The following EPHB2 variants were observed in gnomAD, a reference collection of about 807,000 sequenced individuals.
EPHB2 encodes the protein EPH receptor B2.
EPHB2 carries 18 observed loss-of-function variants against 96.4 expected under a neutral mutation model. The ratio of observed to expected loss-of-function variants is 0.19; its 90% confidence interval spans 0.13 to 0.28. EPHB2 has a LOEUF of 0.28. EPHB2 is among the 10% of genes least tolerant of loss of function. EPHB2 has a pLI of 1.00. For synonymous variants in EPHB2, 506 were observed against 534.1 expected, an observed-to-expected ratio of 0.95 and a Z score of 0.72; for missense variants, 989 against 1,355.4, an observed-to-expected ratio of 0.73 and a Z score of 4.25.
rs1396956058 is a variant in EPHB2 at position 22,711,380 on chromosome 1, C to T, written c.61+337C>T. On this transcript the variant is annotated intron_variant, in intron 1 of 15. Coordinates refer to ENST00000374630, the MANE Select transcript of EPHB2 (RefSeq NM_017449.5). ...GGCAGCCGCCTCGCGCCGGCCTGGTCTTGCTCCGCACAGGGTGGAGGGGCG... is the reference window on the plus strand; with the variant it reads ...GGCAGCCGCCTCGCGCCGGCCTGGTTTTGCTCCGCACAGGGTGGAGGGGCG... Among the ~76,000 whole-genome samples the T allele has an allele frequency of 2.7e-5, 4 of 148,930 alleles. No homozygotes were observed. The East Asian group carries it at 8.0e-4, about 30-fold the overall frequency.
chr1:22,756,603 G>A (rs995231391), intron 1 of EPHB2, among the ~76,000 whole-genome samples: 22 of 152,152 alleles, frequency 1.4e-4, no homozygotes, highest in Admixed American at 2.0e-4. Context: ...GCGGGCGTGT[G>A]AGGCAGCCCT....
chr1:22,737,657 A>T (rs1383166186), intron 1 of EPHB2, among the ~76,000 whole-genome samples: 2 of 152,112 alleles, frequency 1.3e-5, no homozygotes, highest in Non-Finnish European at 2.9e-5. Context: ...AGGTATGGCT[A>T]ATTTTGTCTA....
At chr1:22,859,908 C>A (rs1645766321) in intron 3 of EPHB2, among the ~76,000 whole-genome samples, 1 of 152,178 alleles carries the variant, frequency 6.6e-6, no homozygotes, top group South Asian at 2.1e-4. Context: ...AAGCCCTGTT[C>A]CCCATTAGCA....
Position 22,912,386 on chromosome 1 carries a change from T to C in EPHB2, c.2697-58T>C, listed in dbSNP as rs201272454. On this transcript the variant is annotated intron_variant, in intron 14 of 15. Transcript: ENST00000374630. ...CATACGCAGCCTACAGGCATGTCCC[T>C]GCACGCTCCCTGCAAACAGGTGCCC... 3.7e-4 allele frequency: 597 copies of C among 1,610,786 alleles called. 1 individual carries two copies. Among genetic ancestry groups the C allele is most frequent in the Non-Finnish European group, 4.5e-4 (534 of 1,179,436 alleles).
At chr1:22,836,474 T>C (rs1570362163) in intron 3 of EPHB2, among the ~76,000 whole-genome samples, 2 of 152,256 alleles carry the variant, frequency 1.3e-5, no homozygotes, top group East Asian at 3.9e-4. Context: ...CGTAGAATGT[T>C]GTGCGTTGGA....
intron 5 of EPHB2, among the ~76,000 whole-genome samples, chr1:22,874,620 C>T (rs1308681416): frequency 6.6e-6 from 1 of 152,124 alleles, no homozygotes; most frequent in Non-Finnish European, 1.5e-5. Context: ...TCTTCCTTTC[C>T]TCATTGGTAA....
chr1:22,840,767 G>A (rs1645455627), intron 3 of EPHB2, among the ~76,000 whole-genome samples: 1 of 152,146 alleles, frequency 6.6e-6, no homozygotes, highest in Non-Finnish European at 1.5e-5. Context: ...GGCTCCCCAA[G>A]TCATTTTAGA....
chr1:22,896,791 G>A (rs556096911), intron 9 of EPHB2, among the ~76,000 whole-genome samples: 42 of 152,276 alleles, frequency 2.8e-4, no homozygotes, highest in African/African-American at 9.1e-4. Flanking sequence ...ATCTGTGCTC[G>A]CAGGCTGCAT....
chr1:22,725,670 C>T (rs1643565380), intron 1 of EPHB2, among the ~76,000 whole-genome samples: 1 of 152,152 alleles, frequency 6.6e-6, no homozygotes, highest in Admixed American at 6.5e-5. Context: ...GAGAAGCTGG[C>T]CCCCAAAGTG....
intron 5 of EPHB2, among the ~76,000 whole-genome samples, chr1:22,879,038 A>G (rs1333259531): frequency 6.6e-6 from 1 of 152,090 alleles, no homozygotes; most frequent in Non-Finnish European, 1.5e-5. Context: ...TGGGAGACAG[A>G]CCCAGTATTT....
chr1:22,810,641 G>A (rs1178917209), intron 3 of EPHB2, among the ~76,000 whole-genome samples: 2 of 152,192 alleles, frequency 1.3e-5, no homozygotes, highest in African/African-American at 4.8e-5. Context: ...GGCAGGGGGT[G>A]CAGGGACTTC....
chr1:22,721,910 C>A (rs1643476059), intron 1 of EPHB2, among the ~76,000 whole-genome samples: 1 of 152,064 alleles, frequency 6.6e-6, no homozygotes, highest in South Asian at 2.1e-4. Context: ...GCCATTGCGC[C>A]CAGCCTGATT....
chr1:22,908,276 T>C (rs1350810658), intron 12 of EPHB2, 108 bp downstream of exon 12: 2 of 1,328,526 alleles, frequency 1.5e-6, no homozygotes, highest in Non-Finnish European at 2.1e-6. Flanking sequence ...GGCCAAGCAC[T>C]GTCCTGGGCC....
chr1:22,736,869 G>A (rs190075146), intron 1 of EPHB2, among the ~76,000 whole-genome samples: 86 of 152,282 alleles, frequency 5.6e-4, no homozygotes, highest in Admixed American at 3.1e-3. Flanking sequence ...CCCCCTCCCT[G>A]TCAGACCTGG....
chr1:22,890,072 G>T (rs1281495972), intron 6 of EPHB2, among the ~76,000 whole-genome samples: 1 of 152,166 alleles, frequency 6.6e-6, no homozygotes, highest in Admixed American at 6.5e-5. Flanking sequence ...GTCATGAAGG[G>T]TCTGGAATGC....
chr1:22,795,048 C>A (rs1001039761), intron 3 of EPHB2, among the ~76,000 whole-genome samples: 1 of 152,194 alleles, frequency 6.6e-6, no homozygotes, highest in Non-Finnish European at 1.5e-5. Flanking sequence ...CTGGCACAGG[C>A]CCCACTGGCC....
chr1:22,788,753 GTT>G (rs66554696), intron 3 of EPHB2, among the ~76,000 whole-genome samples: 13,465 of 132,752 alleles, frequency 0.1, 588 homozygotes, highest in East Asian at 0.41. Flanking sequence ...TTTTGTTTTT[GTT>G]TTTTTTTTTT....
Position 22,864,890 on chromosome 1 carries a change from G to A in EPHB2, c.981G>A (p.Ala327=), listed in dbSNP as rs199559345. ...LDMPCTTIPS[A]PQAVISSVNE... is the part of the protein sequence containing the mutation. ...CCCCCGCCCCAGCCATCCCCTCCGC[G>A]CCCCAGGCTGTGATTTCCAGTGTCA... Residue 327 remains alanine, a synonymous_variant, in exon 5 of 16, where the codon GCG becomes GCA. Coordinates refer to ENST00000374630, the MANE Select transcript of EPHB2 (RefSeq NM_017449.5). 31 of 1,552,682 alleles carry A rather than the reference G, an allele frequency of 2.0e-5. No individual in the cohort carries two copies. In the Admixed American group the frequency reaches 2.8e-4, roughly 14 times the overall value.
chr1:22,780,611 T>C (rs950668370), intron 1 of EPHB2, among the ~76,000 whole-genome samples: 11 of 152,300 alleles, frequency 7.2e-5, no homozygotes, highest in Middle Eastern at 6.8e-3. Context: ...ACAGCCCCTC[T>C]AAGGCCCAAG....
Sources: allele counts gnomAD v4.1 joint callset (sites outside exome capture counted in the v4.1 genomes callset), GRCh38; gene constraint gnomAD v4.1.1; transcripts MANE v1.5; gene names NCBI Gene and HGNC (gene_info 2026-07-23, HGNC 2026-07-21).